PCDHGB1: variants seen among roughly 807,000 people sequenced by gnomAD.
PCDHGB1 encodes the protein protocadherin gamma-B1.
In PCDHGB1, 34 loss-of-function variants were observed where a neutral mutation model predicts 56.6. That is an observed-to-expected ratio of 0.60 (90% confidence interval 0.46 to 0.80). The LOEUF (loss-of-function observed/expected upper bound fraction) is 0.80, where lower values mean the gene tolerates loss of function less well. Among genes scored for constraint, PCDHGB1 ranks in the 30% least tolerant of loss-of-function variants. The pLI, the probability that PCDHGB1 is intolerant of heterozygous loss-of-function variation, is 0.00. For missense variants in PCDHGB1, 1,278 were observed against 1,204.6 expected, an observed-to-expected ratio of 1.06 and a Z score of -0.90; for synonymous variants, 561 against 505.9, an observed-to-expected ratio of 1.11 and a Z score of -1.46.
intron 1 of PCDHGB1, chr5:141,379,735 C>G (rs1775784648): frequency 2.0e-5 from 3 of 152,002 alleles, no homozygotes; most frequent in Admixed American, 6.6e-5. Flanking sequence ...TAAGTTATGG[C>G]TAAATGAGGT....
At chr5:141,371,673 A>G in intron 1 of PCDHGB1, 1 of 1,614,030 alleles carries the variant, frequency 6.2e-7, no homozygotes, top group Non-Finnish European at 8.5e-7. Flanking sequence ...AGCTACCGAC[A>G]AAGGCAATCC....
intron 1 of PCDHGB1, 150 bp downstream of exon 1, chr5:141,352,819 G>A (rs1164186338): frequency 1.6e-5 from 13 of 810,682 alleles, no homozygotes; most frequent in Non-Finnish European, 2.5e-5. Context: ...GTAAAACCCG[G>A]TCTACTAAAA....
At position 141,432,963 on chromosome 5, in the gene PCDHGB1, C is replaced by T. The variant is rs1382354299; in HGVS notation, c.2410-61844C>T. 1.5e-5 allele frequency: 24 copies of T among 1,614,046 alleles called. 1 individual carries two copies. In the South Asian group the frequency reaches 2.3e-4, roughly 16 times the overall value. On this transcript the variant is annotated intron_variant, in intron 1 of 3. Transcript: ENST00000523390. The surrounding 1 kb of genome is among the most constrained non-coding windows in gnomAD (Gnocchi z 6.0). ...GCTTCAGGAGGCGGCTTGACAGGAG[C>T]GCCGGCGTCGCACTTTGTGGGCGTG...
intron 1 of PCDHGB1, chr5:141,410,578 T>A (rs1432039651): frequency 6.2e-7 from 1 of 1,610,984 alleles, no homozygotes; most frequent in African/African-American, 1.3e-5. Context: ...TTCCACCTCA[T>A]GGTGGGGAGG....
At position 141,477,681 on chromosome 5, in the gene PCDHGB1, T is replaced by C; in HGVS notation, c.2410-17126T>C. On this transcript the variant is annotated intron_variant, in intron 1 of 3. Coordinates refer to ENST00000523390, the MANE Select transcript of PCDHGB1 (RefSeq NM_018922.3). The surrounding 1 kb of genome is among the most constrained non-coding windows in gnomAD (Gnocchi z 4.9). The stretch of plus-strand genomic sequence containing the variant: ...CGTGACAATGGCATAGTGTCATCCT[T>C]AGTGCCCCTAGACTATGAGGATCGG... 6.2e-7 allele frequency: 1 copy of C among 1,614,180 alleles called. No individual in the cohort carries two copies. The highest frequency in any genetic ancestry group is 8.5e-7 in the Non-Finnish European group (1 of 1,180,046).
intron 1 of PCDHGB1, chr5:141,423,105 G>C (rs1480411428): frequency 1.9e-6 from 3 of 1,613,920 alleles, no homozygotes; most frequent in East Asian, 4.5e-5. Flanking sequence ...ACACGGGCGA[G>C]GTGCGTACAG....
intron 1 of PCDHGB1, among the ~76,000 whole-genome samples, chr5:141,482,771 A>ACCTAAAATCTCAAACAC (rs1168136626): frequency 4.9e-5 from 7 of 141,414 alleles, no homozygotes; most frequent in African/African-American, 8.5e-5. Flanking sequence ...ATTATCACTG[A>ACCTAAAATCTCAAACAC]ACCTTAAACT....
intron 1 of PCDHGB1, chr5:141,415,746 T>TTG: frequency 3.0e-6 from 2 of 662,596 alleles, no homozygotes; most frequent in Non-Finnish European, 3.7e-6. Flanking sequence ...TAAGGTTTTT[T>TTG]TTTTTTTTTT....
At chr5:141,419,797 A>G (rs371201079) in intron 1 of PCDHGB1, 14 of 1,613,920 alleles carry the variant, frequency 8.7e-6, no homozygotes, top group Non-Finnish European at 1.1e-5. Flanking sequence ...TAGTCGCTGT[A>G]AGAGATGGAG....
At chr5:141,449,588 CAAAA>C (rs768743917) in intron 1 of PCDHGB1, among the ~76,000 whole-genome samples, 2 of 57,488 alleles carry the variant, frequency 3.5e-5, no homozygotes, top group Non-Finnish European at 3.7e-5. Flanking sequence ...GACTCTGTCT[CAAAA>C]AAAAAAAAAA....
rs141958687 is a variant in PCDHGB1 at position 141,509,744 on chromosome 5, G to A, written c.2558-1203G>A. 3.3e-3 allele frequency among the ~76,000 whole-genome samples: 509 copies of A among 152,266 alleles called. 3 individuals are homozygous for A. The highest frequency in any genetic ancestry group is 5.5e-3 in the Non-Finnish European group (372 of 68,024). On this transcript the variant is annotated intron_variant, in intron 3 of 3. Coordinates refer to ENST00000523390, the MANE Select transcript of PCDHGB1 (RefSeq NM_018922.3). ...CACCTAGCTGTGGCACTCTGAGCCT[G>A]TGCCTAAAGTGTCCCTGAGATGTCT...
rs2099391466 is a variant in PCDHGB1, at chr5:141,476,424, C to T, written c.2410-18383C>T. ...GAGGAGCTGTGTGGGACACTGCCCT[C>T]TTGCACTGTAACTCTGGAGTTGGTA... is the stretch of plus-strand genomic sequence containing the variant. On this transcript the variant is annotated intron_variant, in intron 1 of 3. Coordinates refer to ENST00000523390, the MANE Select transcript of PCDHGB1 (RefSeq NM_018922.3). This position sits in a 1 kb window ranked among gnomAD's most constrained non-coding sequence, Gnocchi z 7.6. 1 of 1,613,978 alleles carries T rather than the reference C, an allele frequency of 6.2e-7. No individual in the cohort carries two copies. The highest frequency in any genetic ancestry group is 1.1e-5 in the South Asian group (1 of 91,076).
intron 1 of PCDHGB1, chr5:141,394,181 C>T (rs1232533966): frequency 1.2e-6 from 2 of 1,613,928 alleles, no homozygotes; most frequent in East Asian, 4.5e-5. Flanking sequence ...CTCATGCCTC[C>T]TACTCAGCGT....
chr5:141,421,695 T>C (rs374319762), intron 1 of PCDHGB1: 15 of 1,613,840 alleles, frequency 9.3e-6, no homozygotes, highest in Non-Finnish European at 1.2e-5. Context: ...TTGCTCTTCC[T>C]AATGCTAGGG....
At chr5:141,354,730 T>C (rs1554075317) in intron 1 of PCDHGB1, among the ~76,000 whole-genome samples, 1 of 152,160 alleles carries the variant, frequency 6.6e-6, no homozygotes. Flanking sequence ...GGATGAACAA[T>C]GTGAAAACTG....
intron 1 of PCDHGB1, chr5:141,419,088 T>G (rs2096325159): frequency 1.2e-6 from 2 of 1,613,940 alleles, no homozygotes; most frequent in Non-Finnish European, 1.7e-6. Flanking sequence ...GATGAGGCCC[T>G]GGATCGGGAG....
At position 141,384,387 on chromosome 5, in the gene PCDHGB1, C is replaced by T. The variant is rs774707320; in HGVS notation, c.2409+31718C>T. The T allele has an allele frequency of 3.1e-6, 5 of 1,613,950 alleles. No homozygotes were observed. The South Asian group carries it at 5.5e-5, about 18-fold the overall frequency. On this transcript the variant is annotated intron_variant, in intron 1 of 3. Transcript: ENST00000523390. ...CTTATTCCTTGGCCGAAGACACCATCCAGGGGGCTCCAGTGTCCTCCTATG... is the reference window on the plus strand; with the variant it reads ...CTTATTCCTTGGCCGAAGACACCATTCAGGGGGCTCCAGTGTCCTCCTATG...
intron 1 of PCDHGB1, chr5:141,415,772 T>TTA: frequency 7.5e-7 from 1 of 1,332,978 alleles, no homozygotes; most frequent in Non-Finnish European, 9.6e-7. Flanking sequence ...TTTTTTTTTT[T>TTA]ACTTTCTGGT....
In PCDHGB1 at chr5:141,441,804, C is replaced by CAT. The variant is rs1189673284; in HGVS notation, c.2410-53003_2410-53002insAT. The CAT allele has an allele frequency of 6.5e-4, 249 of 382,482 alleles. 2 individuals are homozygous for CAT. Among genetic ancestry groups the CAT allele is most frequent in the African/African-American group, 4.8e-3 (221 of 45,888 alleles). 23.7% of individuals were successfully genotyped at this position (382,482 alleles called of 1,614,324 possible). The stretch of plus-strand genomic sequence containing the variant: ...CCTGAATGACAACGCACCGCGGGTG[C>CAT]TGTACCCCAGCTCTGGAGCGCAATG... On this transcript the variant is annotated intron_variant, in intron 1 of 3. Transcript: ENST00000523390.
Sources: gnomAD v4.1 joint callset for allele counts (sites outside exome capture counted in the v4.1 genomes callset) on GRCh38, gnomAD v4.1.1 for gene constraint, Gnocchi (gnomAD v3.1) non-coding constraint, MANE v1.5 for transcripts, NCBI Gene and HGNC (gene_info 2026-07-23, HGNC 2026-07-21) for gene names.